The following FAM13A variants were observed in gnomAD, a reference collection of about 807,000 sequenced individuals.
FAM13A encodes the protein family with sequence similarity 13 member A, also known as protein FAM13A.
A neutral mutation model predicts 129.6 loss-of-function variants in FAM13A; 76 were observed. That is an observed-to-expected ratio of 0.59 (90% CI 0.49 to 0.71). The LOEUF is 0.71. Among genes scored for constraint, FAM13A ranks in the 30% least tolerant of loss-of-function variants. FAM13A has a pLI of 0.00. For missense variants in FAM13A, 1,108 were observed against 1,249.3 expected (o/e 0.89, Z 1.70); for synonymous variants, 443 against 449.9 (o/e 0.98, Z 0.20).
intron 1 of FAM13A, among the ~76,000 whole-genome samples, chr4:89,039,249 AG>A (rs1190466032): frequency 6.6e-6 from 1 of 152,236 alleles, no homozygotes; most frequent in Non-Finnish European, 1.5e-5. Flanking sequence ...CATGAGGGAA[AG>A]ACTGGTTCTA....
chr4:88,825,736 C>T (rs1178753923), intron 7 of FAM13A, among the ~76,000 whole-genome samples: 1 of 152,136 alleles, frequency 6.6e-6, no homozygotes, highest in African/African-American at 2.4e-5. Flanking sequence ...TTGCAATTTA[C>T]ATTTAATATT....
In FAM13A at chr4:89,029,518, G is replaced by A; in HGVS notation, c.159C>T (p.Leu53=). The A allele has an allele frequency of 6.3e-7, 1 of 1,593,376 alleles. No individual in the cohort carries two copies. The highest frequency in any genetic ancestry group is 8.5e-7 in the Non-Finnish European group (1 of 1,174,318). The part of the protein sequence containing the change: ...VSLQELERQG[L]TENGIPAVVW... ...CTACTGCTGGAATGCCATTCTCGGT[G>A]AGCCCCTGCCGTTCAAGTTCTTGGA... Residue 53 remains leucine (L), a synonymous_variant, in exon 2 of 24, where the codon CTC becomes CTT. Transcript: ENST00000264344.
Position 88,876,630 on chromosome 4 carries a change from C to T in FAM13A, c.844-25447G>A, listed in dbSNP as rs1373243877. Among the ~76,000 whole-genome samples the T allele has an allele frequency of 5.9e-5, 9 of 151,830 alleles. No homozygotes were observed. In the East Asian group the frequency reaches 9.7e-4, roughly 16 times the overall value. ...TTTTTGAGACAGAGTCTCGCTCTGT[C>T]GCCGAGGCTGGAGTGCAGTGGCTCA... is the stretch of plus-strand genomic sequence containing the variant. On this transcript the variant is annotated intron_variant, in intron 6 of 23. Coordinates refer to ENST00000264344, the MANE Select transcript of FAM13A (RefSeq NM_014883.4).
intron 7 of FAM13A, among the ~76,000 whole-genome samples, chr4:88,825,758 A>G (rs1211329426): frequency 6.6e-6 from 1 of 152,198 alleles, no homozygotes; most frequent in Non-Finnish European, 1.5e-5. Context: ...GATTTCACAT[A>G]TATTTCCTAA....
intron 7 of FAM13A, among the ~76,000 whole-genome samples, chr4:88,847,557 A>T (rs1465440110): frequency 2.0e-5 from 3 of 152,196 alleles, no homozygotes; most frequent in Non-Finnish European, 2.9e-5. Context: ...TCTCAGAAAT[A>T]CTGATTCATT....
chr4:88,923,967 A>G (rs1751634829), intron 5 of FAM13A, among the ~76,000 whole-genome samples: 1 of 152,198 alleles, frequency 6.6e-6, no homozygotes, highest in African/African-American at 2.4e-5. Context: ...CTTCAAAGAG[A>G]ATAAAATACC....
chr4:88,731,324 T>A lies in FAM13A; in HGVS notation c.2945+3A>T. On this transcript the variant is annotated splice_donor_region_variant and intron_variant, in intron 23 of 23. Transcript: ENST00000264344. ...AGGGAGGGTGGGGGAAGACAGGCAC[T>A]ACCTTCCATTCTGTCTGAAAAAGTT... 1.9e-6 allele frequency: 3 copies of A among 1,573,604 alleles called. No individual in the cohort carries two copies. Among genetic ancestry groups the A allele is most frequent in the Non-Finnish European group, 2.6e-6 (3 of 1,148,816 alleles).
chr4:88,850,031 T>C (rs1159404591), intron 7 of FAM13A, among the ~76,000 whole-genome samples: 1 of 152,224 alleles, frequency 6.6e-6, no homozygotes, highest in Non-Finnish European at 1.5e-5. Context: ...CCAAATGCTA[T>C]GTCTTCTATA....
intron 19 of FAM13A, among the ~76,000 whole-genome samples, chr4:88,743,207 A>G (rs1027841857): frequency 6.6e-6 from 1 of 152,192 alleles, no homozygotes; most frequent in African/African-American, 2.4e-5. Context: ...ATATTTCAAA[A>G]CACAAAGGGA....
In FAM13A at chr4:88,973,691, C is replaced by T. The variant is rs1760474758; in HGVS notation, c.605+17282G>A. Among the ~76,000 whole-genome samples the T allele has an allele frequency of 1.3e-5, 2 of 151,892 alleles. 1 individual carries two copies. The highest frequency in any genetic ancestry group is 1.3e-4 in the Admixed American group (2 of 15,254). ...AACCTATGTTTTTGTTTCTTTTAGTCTGCTTTGTGATTTTTTTCATGATGG... is the reference window on the plus strand; with the variant it reads ...AACCTATGTTTTTGTTTCTTTTAGTTTGCTTTGTGATTTTTTTCATGATGG... On this transcript the variant is annotated intron_variant, in intron 4 of 23. Coordinates refer to ENST00000264344, the MANE Select transcript of FAM13A (RefSeq NM_014883.4).
intron 2 of FAM13A, among the ~76,000 whole-genome samples, chr4:89,028,871 A>G (rs1285811519): frequency 6.6e-6 from 1 of 152,092 alleles, no homozygotes; most frequent in Non-Finnish European, 1.5e-5. Context: ...TGTGGGCTTC[A>G]CAGCTCTCAA....
intron 8 of FAM13A, among the ~76,000 whole-genome samples, chr4:88,800,889 T>G (rs1727327415): frequency 6.6e-6 from 1 of 152,090 alleles, no homozygotes; most frequent in African/African-American, 2.4e-5. Flanking sequence ...AAACAGGGTT[T>G]TGAATAAATA....
intron 4 of FAM13A, among the ~76,000 whole-genome samples, chr4:88,978,969 C>T (rs548573895): frequency 6.6e-6 from 1 of 152,126 alleles, no homozygotes; most frequent in South Asian, 2.1e-4. Context: ...TTCCAATACA[C>T]AACAATACAT....
intron 8 of FAM13A, among the ~76,000 whole-genome samples, chr4:88,795,686 C>T (rs1359642044): frequency 1.3e-5 from 2 of 151,732 alleles, no homozygotes; most frequent in African/African-American, 4.8e-5. Context: ...TCTTTATTCT[C>T]AAATAATGCT....
chr4:88,952,829 T>A (rs1381222459), intron 4 of FAM13A, among the ~76,000 whole-genome samples: 1 of 151,928 alleles, frequency 6.6e-6, no homozygotes, highest in Non-Finnish European at 1.5e-5. Flanking sequence ...ACATCTGTAA[T>A]CCCAGCTACT....
chr4:88,817,350 G>A (rs988009154), intron 7 of FAM13A, among the ~76,000 whole-genome samples: 1 of 152,076 alleles, frequency 6.6e-6, no homozygotes, highest in African/African-American at 2.4e-5. Context: ...ATCACTTGAG[G>A]TCAGGAGTTT....
intron 1 of FAM13A, among the ~76,000 whole-genome samples, chr4:89,037,258 AG>A (rs947305782): frequency 6.6e-6 from 1 of 152,250 alleles, no homozygotes; most frequent in Non-Finnish European, 1.5e-5. Flanking sequence ...AGTCCTTGGG[AG>A]CCCACACCTT....
chr4:88,866,271 C>G (rs1461542398), intron 6 of FAM13A, among the ~76,000 whole-genome samples: 1 of 152,112 alleles, frequency 6.6e-6, no homozygotes, highest in Non-Finnish European at 1.5e-5. Context: ...TGGTCTTGAA[C>G]TCCTGACCTT....
At chr4:89,049,015 T>C (rs916142150) in intron 1 of FAM13A, among the ~76,000 whole-genome samples, 2 of 152,224 alleles carry the variant, frequency 1.3e-5, no homozygotes, top group African/African-American at 4.8e-5. Context: ...AAAAATGTTC[T>C]TGGAAAGATT....
Sources: gnomAD v4.1 joint callset for allele counts (sites outside exome capture counted in the v4.1 genomes callset) on GRCh38, gnomAD v4.1.1 for gene constraint, MANE v1.5 for transcripts, NCBI Gene and HGNC (gene_info 2026-07-23, HGNC 2026-07-21) for gene names.